The following PLEKHG7 variants were observed in gnomAD, a reference collection of about 807,000 sequenced individuals.
PLEKHG7 encodes the protein pleckstrin homology domain-containing family G member 7.
A neutral mutation model predicts 85.2 loss-of-function variants in PLEKHG7; 77 were observed. That is an observed-to-expected ratio of 0.90 (90% CI 0.75 to 1.09). The LOEUF is 1.09. PLEKHG7 is among the 50% of genes least tolerant of loss of function. The pLI is 0.00. For missense variants in PLEKHG7, 777 were observed against 804.3 expected (o/e 0.97, Z 0.41); for synonymous variants, 301 against 302.4 (o/e 1.00, Z 0.05).
chr12:92,706,614 G>A lies in PLEKHG7; in HGVS notation c.-18G>A. ...CGTCTTCTGGAACCTTCTACCAACA[G>A]TAGAACCTCTTAGCTTTATGGAGAA... On this transcript the variant is annotated 5_prime_UTR_variant, in exon 2 of 17. Coordinates refer to ENST00000344636, the MANE Select transcript of PLEKHG7 (RefSeq NM_001377329.1). 1 of 1,585,618 alleles carries A rather than the reference G, an allele frequency of 6.3e-7. No individual in the cohort carries two copies. The highest frequency in any genetic ancestry group is 8.6e-7 in the Non-Finnish European group (1 of 1,166,572).
At chr12:92,712,414 T>C (rs907908490) in intron 3 of PLEKHG7, among the ~76,000 whole-genome samples, 1 of 152,214 alleles carries the variant, frequency 6.6e-6, no homozygotes, top group East Asian at 1.9e-4. Context: ...CCAGGAGATG[T>C]GTTCATTGGC....
intron 10 of PLEKHG7, among the ~76,000 whole-genome samples, chr12:92,752,862 G>A (rs747742797): frequency 1.3e-5 from 2 of 152,124 alleles, no homozygotes; most frequent in Non-Finnish European, 2.9e-5. Flanking sequence ...GTTAGGGGCC[G>A]GTGATGGCCC....
chr12:92,722,495 T>G (rs1871675977), intron 3 of PLEKHG7, among the ~76,000 whole-genome samples: 1 of 152,168 alleles, frequency 6.6e-6, no homozygotes, highest in Non-Finnish European at 1.5e-5. Context: ...AGAATTAGCA[T>G]TAGTGGGTTT....
chr12:92,719,554 G>A (rs1414664349), intron 3 of PLEKHG7, among the ~76,000 whole-genome samples: 1 of 152,154 alleles, frequency 6.6e-6, no homozygotes, highest in East Asian at 1.9e-4. Flanking sequence ...CGTAGCAAAG[G>A]AAAAGATAAG....
chr12:92,711,323 A>G (rs1871363786), intron 3 of PLEKHG7, among the ~76,000 whole-genome samples: 1 of 152,170 alleles, frequency 6.6e-6, no homozygotes, highest in South Asian at 2.1e-4. Context: ...GGAACTCCCC[A>G]TGAGGCCATT....
At chr12:92,738,127 G>A (rs527348312) in intron 7 of PLEKHG7, among the ~76,000 whole-genome samples, 1 of 152,288 alleles carries the variant, frequency 6.6e-6, no homozygotes, top group South Asian at 2.1e-4. Flanking sequence ...GATATAGGGG[G>A]CTACCACCCA....
At position 92,769,098 on chromosome 12, in the gene PLEKHG7, G is replaced by C. The variant is rs765893447; in HGVS notation, c.1968+18G>C. ...ACATCAAAGTATGTATTTTAATTTT[G>C]TAGGTCTTTGATTCTTCAGAGTTTA... On this transcript the variant is annotated intron_variant, in intron 16 of 16. Coordinates refer to ENST00000344636, the MANE Select transcript of PLEKHG7 (RefSeq NM_001377329.1). 1.3e-6 allele frequency: 2 copies of C among 1,502,402 alleles called. No individual in the cohort carries two copies. Among genetic ancestry groups the C allele is most frequent in the Admixed American group, 3.5e-5 (2 of 57,854 alleles). The allele number at this position is 1,502,402 out of a possible 1,614,324, so 93.1% of individuals were successfully genotyped here. A position where few individuals can be genotyped will look rare whatever the true frequency, so the allele number is the denominator to read the frequency against.
chr12:92,707,074 C>T lies in PLEKHG7; in HGVS notation c.443C>T (p.Ala148Val), dbSNP rs925886131. ...GTCAATGAAGGGTCCCTTCACCAGG[C>T]CTCTCTTCGGCAGCAAGAAGGCCAC... Reference protein sequence around the residue: ...QPVNEGSLHQASLRQQEGHFL... With the variant: ...QPVNEGSLHQVSLRQQEGHFL... Residue 148 changes from alanine (A) to valine (V), a missense_variant, in exon 2 of 17, where the codon GCC (alanine) becomes GTC (valine). Physicochemically the swap from Ala to Val is moderately conservative, Grantham distance 64. Coordinates refer to ENST00000344636, the MANE Select transcript of PLEKHG7 (RefSeq NM_001377329.1). 6.2e-7 allele frequency: 1 copy of T among 1,614,002 alleles called. No homozygotes were observed. The highest frequency in any genetic ancestry group is 8.5e-7 in the Non-Finnish European group (1 of 1,180,030).
chr12:92,706,465 C>A lies in PLEKHG7; in HGVS notation c.-161-6C>A. Reference sequence around the variant, plus strand: ...ATATTTCACAGTCTGCTCTTCCTCACTACAGATGCAATAACCTGCTTGACA... The same window carrying A: ...ATATTTCACAGTCTGCTCTTCCTCAATACAGATGCAATAACCTGCTTGACA... On this transcript the variant is annotated splice_polypyrimidine_tract_variant and splice_region_variant and intron_variant, in intron 1 of 16. Transcript: ENST00000344636. 2 of 789,814 alleles carry A rather than the reference C, an allele frequency of 2.5e-6. No homozygotes were observed. Among genetic ancestry groups the A allele is most frequent in the South Asian group, 2.2e-5 (1 of 46,468 alleles). 48.9% of individuals were successfully genotyped at this position (789,814 alleles called of 1,614,324 possible). A position where few individuals can be genotyped will look rare whatever the true frequency, so the allele number is the denominator to read the frequency against.
At chr12:92,722,815 C>T (rs1294233033) in intron 3 of PLEKHG7, among the ~76,000 whole-genome samples, 1 of 152,198 alleles carries the variant, frequency 6.6e-6, no homozygotes, top group Admixed American at 6.5e-5. Context: ...TATAGGTCAA[C>T]ATGTCTATTT....
At chr12:92,739,040 T>TCAAAA (rs370392449) in intron 7 of PLEKHG7, among the ~76,000 whole-genome samples, 43 of 152,226 alleles carry the variant, frequency 2.8e-4, no homozygotes, top group East Asian at 3.9e-4. Flanking sequence ...GATCAAGGGC[T>TCAAAA]CAAAACAAAA....
chr12:92,703,784 A>G (rs559887010), intron 1 of PLEKHG7, among the ~76,000 whole-genome samples: 7 of 152,348 alleles, frequency 4.6e-5, no homozygotes, highest in Non-Finnish European at 1.5e-5. Flanking sequence ...TATTTAAGAC[A>G]GTGGCTAATA....
chr12:92,706,625 T>G lies in PLEKHG7; in HGVS notation c.-7T>G. ...ACCTTCTACCAACAGTAGAACCTCT[T>G]AGCTTTATGGAGAAAACAGAGTCAT... On this transcript the variant is annotated 5_prime_UTR_variant, in exon 2 of 17. Coordinates refer to ENST00000344636, the MANE Select transcript of PLEKHG7 (RefSeq NM_001377329.1). 1 of 1,598,848 alleles carries G rather than the reference T, an allele frequency of 6.3e-7. No homozygotes were observed. The highest frequency in any genetic ancestry group is 8.5e-7 in the Non-Finnish European group (1 of 1,172,942).
At chr12:92,725,881 T>C (rs1286828097) in intron 3 of PLEKHG7, among the ~76,000 whole-genome samples, 1 of 152,188 alleles carries the variant, frequency 6.6e-6, no homozygotes, top group Non-Finnish European at 1.5e-5. Context: ...TGTTCTCTAG[T>C]TGTGGTGAGT....
At chr12:92,750,645 A>G (rs760329264) in intron 10 of PLEKHG7, among the ~76,000 whole-genome samples, 4 of 152,126 alleles carry the variant, frequency 2.6e-5, no homozygotes, top group Non-Finnish European at 5.9e-5. Flanking sequence ...ACTCCCAGCC[A>G]CCCAAGAGGT....
intron 4 of PLEKHG7, among the ~76,000 whole-genome samples, chr12:92,729,334 A>G (rs1485480156): frequency 2.6e-5 from 4 of 151,364 alleles, no homozygotes. Context: ...ATTTACAGAG[A>G]TGAATAAGGT....
chr12:92,736,718 G>T (rs1002855726), intron 6 of PLEKHG7, 141 bp downstream of exon 6: 1 of 442,834 alleles, frequency 2.3e-6, no homozygotes, highest in Admixed American at 4.4e-5. Flanking sequence ...AGGAACCCAG[G>T]ACTGAGCAGG....
chr12:92,736,640 G>C, intron 6 of PLEKHG7, 63 bp downstream of exon 6: 1 of 1,026,750 alleles, frequency 9.7e-7, no homozygotes, highest in Non-Finnish European at 1.2e-6. Flanking sequence ...GTGGGGTGGG[G>C]AAGGTCGGGT....
chr12:92,750,796 C>A (rs1458657823), intron 10 of PLEKHG7, among the ~76,000 whole-genome samples: 2 of 152,102 alleles, frequency 1.3e-5, no homozygotes, highest in South Asian at 4.2e-4. Context: ...CCCTGCCAAC[C>A]TCAATGAGAA....
Sources: gnomAD v4.1 joint callset for allele counts (sites outside exome capture counted in the v4.1 genomes callset) on GRCh38, gnomAD v4.1.1 for gene constraint, MANE v1.5 for transcripts, NCBI Gene and HGNC (gene_info 2026-07-23, HGNC 2026-07-21) for gene names.